Variants in KDM4C observed in about 807,000 individuals in gnomAD.
The protein encoded by KDM4C is lysine demethylase 4C, also known as lysine-specific demethylase 4C.
In KDM4C, 81 loss-of-function variants were observed where a neutral mutation model predicts 129.3. The ratio of observed to expected loss-of-function variants is 0.63; its 90% CI spans 0.52 to 0.75. The LOEUF (loss-of-function observed/expected upper bound fraction) is 0.75. Ranked by LOEUF, KDM4C falls within the 30% of genes least tolerant of loss-of-function variation. KDM4C has a pLI of 0.00. For missense variants in KDM4C, 1,457 were observed against 1,304.0 expected (o/e 1.12, Z -1.81); for synonymous variants, 573 against 456.1 (o/e 1.26, Z -3.26).
At chr9:6,728,214 C>T (rs1056862176) in intron 1 of KDM4C, among the ~76,000 whole-genome samples, 3 of 151,920 alleles carry the variant, frequency 2.0e-5, no homozygotes, top group Admixed American at 6.6e-5. Context: ...TGGGTGGGTT[C>T]GTATTTAAAT....
chr9:7,126,157 A>T (rs1263678362), intron 18 of KDM4C, among the ~76,000 whole-genome samples: 1 of 152,142 alleles, frequency 6.6e-6, no homozygotes, highest in East Asian at 1.9e-4. Context: ...ATATACCCTG[A>T]GGCCTACACA....
At chr9:7,137,827 T>C (rs978456069) in intron 19 of KDM4C, among the ~76,000 whole-genome samples, 3 of 152,214 alleles carry the variant, frequency 2.0e-5, no homozygotes, top group Non-Finnish European at 2.9e-5. Context: ...TCCCAGAAGA[T>C]ATGAGGCCCA....
chr9:7,044,715 C>G (rs1008586055), intron 15 of KDM4C, among the ~76,000 whole-genome samples: 6 of 151,960 alleles, frequency 3.9e-5, no homozygotes, highest in African/African-American at 1.4e-4. Flanking sequence ...TAGTCAGACA[C>G]CTCAGGGAAT....
At chr9:7,095,788 A>T (rs1365534443) in intron 17 of KDM4C, among the ~76,000 whole-genome samples, 4 of 152,256 alleles carry the variant, frequency 2.6e-5, no homozygotes, top group African/African-American at 9.6e-5. Context: ...CTAGCAGGGT[A>T]CAGTTGTATC....
intron 6 of KDM4C, among the ~76,000 whole-genome samples, chr9:6,883,235 G>T (rs2130801777): frequency 6.6e-6 from 1 of 152,274 alleles, no homozygotes; most frequent in African/African-American, 2.4e-5. Context: ...TTAGCTGATA[G>T]TCTGAAATAT....
At chr9:6,953,586 A>T (rs1828557071) in intron 8 of KDM4C, among the ~76,000 whole-genome samples, 1 of 152,192 alleles carries the variant, frequency 6.6e-6, no homozygotes, top group South Asian at 2.1e-4. Context: ...TGTGTATTTA[A>T]GGGAGTAATA....
intron 17 of KDM4C, among the ~76,000 whole-genome samples, chr9:7,063,512 G>A (rs1411954063): frequency 1.3e-5 from 2 of 152,112 alleles, no homozygotes; most frequent in Non-Finnish European, 2.9e-5. Context: ...TCTCTCACTT[G>A]TTTATTCATT....
chr9:7,126,545 A>G (rs1000895789), intron 18 of KDM4C, among the ~76,000 whole-genome samples: 3 of 152,204 alleles, frequency 2.0e-5, no homozygotes, highest in Non-Finnish European at 4.4e-5. Context: ...GCAGGGATGA[A>G]TAGGGATATC....
chr9:7,063,233 A>G (rs994886551), intron 17 of KDM4C, among the ~76,000 whole-genome samples: 1 of 152,224 alleles, frequency 6.6e-6, no homozygotes, highest in African/African-American at 2.4e-5. Flanking sequence ...TTCTGGATTT[A>G]GTAAATTAAA....
chr9:7,048,060 G>C lies in KDM4C; in HGVS notation c.2316-1032G>C, dbSNP rs370581636. On this transcript the variant is annotated intron_variant, in intron 16 of 21. Coordinates refer to ENST00000381309, the MANE Select transcript of KDM4C (RefSeq NM_015061.6). ...GTTTGCTTAATTTTTGAAAGAAGAT[G>C]TTCTTCCACAGTCCTGGTTGATATG... Among the ~76,000 whole-genome samples the C allele has an allele frequency of 3.4e-4, 51 of 152,152 alleles. 1 individual carries two copies. The South Asian group carries it at 0.01, about 31-fold the overall frequency.
chr9:6,874,517 CAT>C (rs1843274173), intron 5 of KDM4C, among the ~76,000 whole-genome samples: 1 of 152,168 alleles, frequency 6.6e-6, no homozygotes, highest in Non-Finnish European at 1.5e-5. Context: ...AAAGTACAAA[CAT>C]GTTGCTGTTT....
At chr9:7,166,487 C>T (rs544002629) in intron 20 of KDM4C, among the ~76,000 whole-genome samples, 2 of 151,704 alleles carry the variant, frequency 1.3e-5, no homozygotes, top group East Asian at 1.9e-4. Flanking sequence ...AAGGCCATTT[C>T]CCCCTTTGCA....
intron 8 of KDM4C, among the ~76,000 whole-genome samples, chr9:6,922,394 GTT>G (rs112000172): frequency 6.6e-6 from 1 of 151,976 alleles, no homozygotes; most frequent in African/African-American, 2.4e-5. Context: ...TACATTTACT[GTT>G]TTTTTCCCCC....
At chr9:6,799,487 G>C (rs1214643384) in intron 2 of KDM4C, among the ~76,000 whole-genome samples, 1 of 151,560 alleles carries the variant, frequency 6.6e-6, no homozygotes, top group African/African-American at 2.4e-5. Context: ...ATCAGGCAGG[G>C]AGGTTGCAGT....
At chr9:6,744,657 T>C (rs1817818185) in intron 1 of KDM4C, among the ~76,000 whole-genome samples, 1 of 152,206 alleles carries the variant, frequency 6.6e-6, no homozygotes, top group Non-Finnish European at 1.5e-5. Context: ...GGCCTCCCAA[T>C]GTACTAGGAT....
chr9:6,732,003 C>G (rs1817351187), intron 1 of KDM4C, among the ~76,000 whole-genome samples: 1 of 152,004 alleles, frequency 6.6e-6, no homozygotes, highest in African/African-American at 2.4e-5. Context: ...GAGGATAATA[C>G]CAACAGTTTG....
chr9:6,724,276 C>G (rs1047095838), intron 1 of KDM4C, among the ~76,000 whole-genome samples: 2 of 152,138 alleles, frequency 1.3e-5, no homozygotes, highest in African/African-American at 4.8e-5. Context: ...GTTTTGGGCA[C>G]AGCATTTGCC....
intron 19 of KDM4C, among the ~76,000 whole-genome samples, chr9:7,145,237 T>C (rs532675499): frequency 7.2e-5 from 11 of 152,336 alleles, no homozygotes; most frequent in African/African-American, 2.4e-4. Context: ...TTGATTTTTT[T>C]CCTGCCATCC....
chr9:6,822,316 T>G (rs1312175130), intron 4 of KDM4C, among the ~76,000 whole-genome samples: 1 of 152,226 alleles, frequency 6.6e-6, no homozygotes, highest in Non-Finnish European at 1.5e-5. Flanking sequence ...TGTCAGCCCC[T>G]TATATGGAGG....
Sources: allele counts gnomAD v4.1 joint callset (sites outside exome capture counted in the v4.1 genomes callset), GRCh38; gene constraint gnomAD v4.1.1; transcripts MANE v1.5; gene names NCBI Gene and HGNC (gene_info 2026-07-23, HGNC 2026-07-21).